The following FSD1L variants were observed in gnomAD, a reference collection of about 807,000 sequenced individuals.
FSD1L encodes FSD1-like protein.
A neutral mutation model predicts 71.6 loss-of-function variants in FSD1L; 45 were observed. The ratio of observed to expected loss-of-function variants is 0.63; its 90% CI spans 0.49 to 0.81. FSD1L has a LOEUF of 0.81. Ranked by LOEUF, FSD1L falls within the 30% of genes least tolerant of loss-of-function variation. The probability of loss-of-function intolerance (pLI) is 0.00; values close to 1 mark genes in which losing one functional copy is unlikely to be tolerated. For synonymous variants in FSD1L, 197 were observed against 207.2 expected (o/e 0.95, Z 0.42); for missense variants, 561 against 618.1 (o/e 0.91, Z 0.98).
chr9:105,491,038 T>A (rs1006755481), intron 7 of FSD1L, among the ~76,000 whole-genome samples: 6 of 152,084 alleles, frequency 3.9e-5, no homozygotes, highest in African/African-American at 1.5e-4. Flanking sequence ...TCGAATTCTG[T>A]GAAGAAAGTC....
intron 2 of FSD1L, among the ~76,000 whole-genome samples, chr9:105,463,338 G>C (rs890613661): frequency 6.6e-6 from 1 of 152,098 alleles, no homozygotes; most frequent in Non-Finnish European, 1.5e-5. Flanking sequence ...AAATTACAAA[G>C]TATTAAAGTA....
At position 105,512,433 on chromosome 9, in the gene FSD1L, CCTT is replaced by C. The variant is rs926638079; in HGVS notation, c.896-373_896-371del. On this transcript the variant is annotated intron_variant, in intron 9 of 13. Coordinates refer to ENST00000481272, the MANE Select transcript of FSD1L (RefSeq NM_001145313.3). ...TTACACTATGTAATTTTATCCTTCT[CCTT>C]AATTCTTCCAGTTCCCCTTCCTATT... Among the ~76,000 whole-genome samples the C allele has an allele frequency of 1.1e-4, 16 of 152,094 alleles. 2 individuals are homozygous for C. The highest frequency in any genetic ancestry group is 9.8e-4 in the Admixed American group (15 of 15,272).
rs1052013339 is a variant in FSD1L, at chr9:105,523,694, T to A, written c.1025+10758T>A. 5 of 1,598,360 alleles carry A rather than the reference T, an allele frequency of 3.1e-6. No individual in the cohort carries two copies. The African/African-American group carries it at 6.7e-5, about 21-fold the overall frequency. On this transcript the variant is annotated intron_variant, in intron 10 of 13. Coordinates refer to ENST00000481272, the MANE Select transcript of FSD1L (RefSeq NM_001145313.3). ...ATAAATATAAACAAGGTAAATTACA[T>A]GCATATAAACTTATTGGTAATACAA...
At chr9:105,465,052 G>A (rs1181302100) in intron 3 of FSD1L, among the ~76,000 whole-genome samples, 1 of 152,088 alleles carries the variant, frequency 6.6e-6, no homozygotes, top group Admixed American at 6.5e-5. Context: ...AAAATAAAAG[G>A]TAAAGTGCCC....
At chr9:105,442,338 C>T in the FSD1L span, among the ~76,000 whole-genome samples, 2 of 151,954 alleles carry the variant, frequency 1.3e-5, no homozygotes, top group Admixed American at 1.3e-4. Context: ...AATGGTTTTG[C>T]CCTCCAGTTT....
intron 5 of FSD1L, among the ~76,000 whole-genome samples, chr9:105,477,742 A>G (rs981546592): frequency 6.6e-6 from 1 of 152,236 alleles, no homozygotes; most frequent in Non-Finnish European, 1.5e-5. Flanking sequence ...TTAACTTTTT[A>G]AACATTTTCT....
At chr9:105,542,757 CTGTTTTTA>C (rs1836714324) in intron 13 of FSD1L, among the ~76,000 whole-genome samples, 1 of 152,204 alleles carries the variant, frequency 6.6e-6, no homozygotes, top group Non-Finnish European at 1.5e-5. Flanking sequence ...CCTGGTTTTC[CTGTTTTTA>C]AGAGTTCTTT....
intron 10 of FSD1L, chr9:105,524,747 G>A (rs932071740): frequency 1.1e-5 from 18 of 1,612,294 alleles, no homozygotes; most frequent in Non-Finnish European, 1.5e-5. Context: ...CTCAAATGCA[G>A]CATGGATTAA....
At position 105,522,907 on chromosome 9, in the gene FSD1L, A is replaced by G. The variant is rs917862938; in HGVS notation, c.1025+9971A>G. The G allele has an allele frequency of 2.5e-6, 4 of 1,611,012 alleles. No individual in the cohort carries two copies. The East Asian group carries it at 8.9e-5, about 36-fold the overall frequency. On this transcript the variant is annotated intron_variant, in intron 10 of 13. Coordinates refer to ENST00000481272, the MANE Select transcript of FSD1L (RefSeq NM_001145313.3). ...AAGCAGAACCAGATGCGCCCTATTG[A>G]TGACCCAGGTGTGCCCTCAGAATGG... is the stretch of plus-strand genomic sequence containing the variant.
intron 12 of FSD1L, among the ~76,000 whole-genome samples, chr9:105,536,309 T>TA (rs1836261178): frequency 6.6e-6 from 1 of 152,240 alleles, no homozygotes; most frequent in South Asian, 2.1e-4. Flanking sequence ...AATCCTTTAT[T>TA]AAAAACTTTC....
the FSD1L span, among the ~76,000 whole-genome samples, chr9:105,442,388 A>G: frequency 6.6e-6 from 1 of 152,060 alleles, no homozygotes; most frequent in South Asian, 2.1e-4. Context: ...AGATGTTAAA[A>G]GTTATCTCTG....
chr9:105,442,280 G>C, the FSD1L span, among the ~76,000 whole-genome samples: 1 of 152,182 alleles, frequency 6.6e-6, no homozygotes, highest in African/African-American at 2.4e-5. Flanking sequence ...GATTCAGAGA[G>C]CCTTCCAAAC....
intron 7 of FSD1L, among the ~76,000 whole-genome samples, chr9:105,500,016 C>T (rs1429596315): frequency 6.6e-6 from 1 of 152,136 alleles, no homozygotes; most frequent in Non-Finnish European, 1.5e-5. Flanking sequence ...TTTAGCCTTT[C>T]TTTGCGGTTT....
intron 4 of FSD1L, among the ~76,000 whole-genome samples, chr9:105,468,799 C>G (rs1480198923): frequency 6.6e-6 from 1 of 152,160 alleles, no homozygotes; most frequent in Non-Finnish European, 1.5e-5. Flanking sequence ...CCAGCCAATT[C>G]TCTTAAACCA....
At position 105,449,933 on chromosome 9, in the gene FSD1L, G is replaced by A. The variant is rs576901550; in HGVS notation, c.15+1698G>A. On this transcript the variant is annotated intron_variant, in intron 1 of 13. Coordinates refer to ENST00000481272, the MANE Select transcript of FSD1L (RefSeq NM_001145313.3). ...AATTAGCTTCTCTTTCTTAGTAGTA[G>A]TAGTAATGTATCTTATTTGTGATAT... is the stretch of plus-strand genomic sequence containing the variant. Among the ~76,000 whole-genome samples the A allele has an allele frequency of 1.4e-4, 22 of 152,316 alleles. No individual in the cohort carries two copies. The South Asian group carries it at 4.4e-3, about 30-fold the overall frequency.
chr9:105,521,664 C>T, intron 10 of FSD1L: 1 of 1,613,144 alleles, frequency 6.2e-7, no homozygotes, highest in Non-Finnish European at 8.5e-7. Flanking sequence ...TGTCACAGAC[C>T]ATGATATTTC....
chr9:105,456,057 T>TTA (rs1418405957), intron 1 of FSD1L, among the ~76,000 whole-genome samples: 1 of 152,200 alleles, frequency 6.6e-6, no homozygotes, highest in Admixed American at 6.5e-5. Flanking sequence ...TGATTTGGGG[T>TTA]TATAACCTGT....
upstream of FSD1L, among the ~76,000 whole-genome samples, chr9:105,443,591 G>A (rs963960345): frequency 1.3e-5 from 2 of 152,148 alleles, no homozygotes; most frequent in African/African-American, 4.8e-5. Context: ...TGACTTCCAA[G>A]GGGTTGCAGG....
At chr9:105,538,347 A>G (rs997278873) in intron 12 of FSD1L, among the ~76,000 whole-genome samples, 2 of 152,190 alleles carry the variant, frequency 1.3e-5, no homozygotes, top group Non-Finnish European at 2.9e-5. Context: ...ATGTGCATAA[A>G]TATTAGTTTA....
Sources: allele counts gnomAD v4.1 joint callset (sites outside exome capture counted in the v4.1 genomes callset), GRCh38; gene constraint gnomAD v4.1.1; transcripts MANE v1.5; gene names NCBI Gene and HGNC (gene_info 2026-07-23, HGNC 2026-07-21).